NELL1: variants seen among roughly 807,000 people sequenced by gnomAD.
NELL1 encodes protein kinase C-binding protein NELL1.
NELL1 carries 76 observed loss-of-function variants against 107.4 expected under a neutral mutation model. The ratio of observed to expected loss-of-function variants is 0.71; its 90% confidence interval spans 0.59 to 0.86. NELL1 has a LOEUF of 0.86. NELL1 is among the 40% of genes least tolerant of loss of function. NELL1 has a pLI of 0.00. For synonymous variants in NELL1, 353 were observed against 341.2 expected, an observed-to-expected ratio of 1.03 and a Z score of -0.38; for missense variants, 1,024 against 1,005.5, an observed-to-expected ratio of 1.02 and a Z score of -0.25.
At chr11:21,025,433 T>C (rs528136146) in intron 12 of NELL1, among the ~76,000 whole-genome samples, 2 of 151,852 alleles carry the variant, frequency 1.3e-5, no homozygotes, top group East Asian at 1.9e-4. Context: ...AATCTCATTC[T>C]AGAGCCCATT....
At position 20,705,668 on chromosome 11, in the gene NELL1, A is replaced by G. The variant is rs1382800073; in HGVS notation, c.184+27608A>G. On this transcript the variant is annotated intron_variant, in intron 2 of 19. Coordinates refer to ENST00000357134, the MANE Select transcript of NELL1 (RefSeq NM_006157.5). ...ACAAAAGCCAAAATTGACAAATGGG[A>G]TCTAATTAAACTAAAGAGCTTCTGC... Among the ~76,000 whole-genome samples, 3 of 143,806 alleles carry G rather than the reference A, an allele frequency of 2.1e-5. 1 individual carries two copies. The highest frequency in any genetic ancestry group is 5.3e-5 in the African/African-American group (2 of 37,818). The allele number at this position is 143,806 out of a possible 152,430, so 94.3% of individuals were successfully genotyped here. A position where few individuals can be genotyped will look rare whatever the true frequency, so the allele number is the denominator to read the frequency against.
At chr11:21,240,774 G>T (rs7117671) in intron 14 of NELL1, among the ~76,000 whole-genome samples, 3 of 137,382 alleles carry the variant, frequency 2.2e-5, no homozygotes, top group East Asian at 2.3e-4. Context: ...AGTGGGGGGG[G>T]GGAGGGGGGA....
intron 5 of NELL1, among the ~76,000 whole-genome samples, chr11:20,887,490 T>C (rs954524095): frequency 6.6e-6 from 1 of 152,200 alleles, no homozygotes; most frequent in African/African-American, 2.4e-5. Context: ...CAGTTAGAGC[T>C]TTAAATTTCA....
At chr11:21,182,440 G>GAAAAAA (rs201319322) in intron 13 of NELL1, among the ~76,000 whole-genome samples, 1 of 111,720 alleles carries the variant, frequency 9.0e-6, no homozygotes, top group Non-Finnish European at 1.9e-5. Flanking sequence ...GTCTCAAAAA[G>GAAAAAA]AAAAAAAAAA....
intron 19 of NELL1, 39 bp from the exon 20 acceptor site, chr11:21,574,933 A>ATGTC (rs1272415472): frequency 6.3e-7 from 1 of 1,581,312 alleles, no homozygotes; most frequent in East Asian, 2.3e-5. Context: ...TTTATATTCC[A>ATGTC]TGTCTCAACT....
At chr11:21,295,920 C>T (rs1565153778) in intron 14 of NELL1, among the ~76,000 whole-genome samples, 1 of 152,012 alleles carries the variant, frequency 6.6e-6, no homozygotes. Context: ...TTTGCAAATA[C>T]TTAAAAACCA....
intron 12 of NELL1, among the ~76,000 whole-genome samples, chr11:20,974,034 G>C (rs577085018): frequency 3.7e-4 from 57 of 152,286 alleles, no homozygotes; most frequent in African/African-American, 1.4e-3. Context: ...ACTTGTTTAG[G>C]CTCGGGAGGA....
At chr11:20,745,051 C>T (rs1271588575) in intron 2 of NELL1, among the ~76,000 whole-genome samples, 1 of 152,176 alleles carries the variant, frequency 6.6e-6, no homozygotes, top group African/African-American at 2.4e-5. Flanking sequence ...TCTTTTCCAT[C>T]ACCCTTTTTT....
intron 12 of NELL1, among the ~76,000 whole-genome samples, chr11:21,105,060 T>A (rs1368719089): frequency 6.6e-6 from 1 of 152,078 alleles, no homozygotes; most frequent in African/African-American, 2.4e-5. Context: ...ACATATGAAT[T>A]TGGGGGGGAC....
intron 12 of NELL1, among the ~76,000 whole-genome samples, chr11:21,002,018 C>A (rs1852233081): frequency 6.6e-6 from 1 of 152,188 alleles, no homozygotes; most frequent in Non-Finnish European, 1.5e-5. Context: ...GTTGAAGAAC[C>A]TCAGCTCTGA....
chr11:21,447,409 A>G (rs1331088384), intron 15 of NELL1, among the ~76,000 whole-genome samples: 1 of 152,164 alleles, frequency 6.6e-6, no homozygotes, highest in Admixed American at 6.5e-5. Flanking sequence ...ATGTCTCAGA[A>G]TCTCACTCAA....
intron 12 of NELL1, among the ~76,000 whole-genome samples, chr11:20,962,690 C>T (rs7109655): frequency 0.01 from 1,534 of 152,312 alleles, 21 homozygotes; most frequent in African/African-American, 0.035. Flanking sequence ...TTTTATAATG[C>T]TGAGTGGATT....
At position 20,919,346 on chromosome 11, in the gene NELL1, A is replaced by G. The variant is rs1850328146; in HGVS notation, c.759+12A>G. 7.4e-6 allele frequency: 11 copies of G among 1,492,060 alleles called. No homozygotes were observed. Among genetic ancestry groups the G allele is most frequent in the Non-Finnish European group, 1.0e-5 (11 of 1,075,084 alleles). 92.4% of individuals were successfully genotyped at this position (1,492,060 alleles called of 1,614,324 possible). A position where few individuals can be genotyped will look rare whatever the true frequency, so the allele number is the denominator to read the frequency against. ...AGATGACTGCAAAAGTAGGTATCTAAATTTCATTTGTGATGTTTCATTTCT... is the reference window on the plus strand; with the variant it reads ...AGATGACTGCAAAAGTAGGTATCTAGATTTCATTTGTGATGTTTCATTTCT... On this transcript the variant is annotated intron_variant, in intron 7 of 19. Coordinates refer to ENST00000357134, the MANE Select transcript of NELL1 (RefSeq NM_006157.5).
In NELL1 at chr11:20,791,729, GGT is replaced by G. The variant is rs1491105175; in HGVS notation, c.335+7900_335+7901del. Among the ~76,000 whole-genome samples, 125 of 23,116 alleles carry G rather than the reference GGT, an allele frequency of 5.4e-3. 2 individuals are homozygous for G. In the East Asian group the frequency reaches 0.082, roughly 15 times the overall value. 15.2% of individuals were successfully genotyped at this position (23,116 alleles called of 152,430 possible). A position where few individuals can be genotyped will look rare whatever the true frequency, so the allele number is the denominator to read the frequency against. On this transcript the variant is annotated intron_variant, in intron 3 of 19. Transcript: ENST00000357134. ...CACAGGTACTCTTCACCAGTCTGGA[GGT>G]TTTTTTTTTTTTTTTTCTATTTGTA...
At chr11:20,760,620 A>G (rs1185780478) in intron 2 of NELL1, among the ~76,000 whole-genome samples, 1 of 152,174 alleles carries the variant, frequency 6.6e-6, no homozygotes, top group Non-Finnish European at 1.5e-5. Context: ...GGGAATGATT[A>G]ATTAGGGCTT....
chr11:21,245,094 T>A (rs547957181), intron 14 of NELL1, among the ~76,000 whole-genome samples: 1 of 152,276 alleles, frequency 6.6e-6, no homozygotes, highest in Admixed American at 6.5e-5. Context: ...GAATTAGCAC[T>A]TCTTAGTGGG....
At chr11:20,806,035 C>G (rs936163292) in intron 3 of NELL1, among the ~76,000 whole-genome samples, 32 of 151,576 alleles carry the variant, frequency 2.1e-4, no homozygotes, top group African/African-American at 6.3e-4. Context: ...GACCACAATT[C>G]CAATATTATA....
chr11:20,784,962 A>G (rs1156905290), intron 3 of NELL1, among the ~76,000 whole-genome samples: 1 of 152,246 alleles, frequency 6.6e-6, no homozygotes, highest in Non-Finnish European at 1.5e-5. Context: ...TCAAAATTAC[A>G]TAAATGTGTT....
intron 2 of NELL1, among the ~76,000 whole-genome samples, chr11:20,757,420 G>A (rs1293257301): frequency 6.6e-6 from 1 of 152,118 alleles, no homozygotes; most frequent in African/African-American, 2.4e-5. Flanking sequence ...GTGAGACTCA[G>A]CTGCTTACAG....
Sources: allele counts gnomAD v4.1 joint callset (sites outside exome capture counted in the v4.1 genomes callset), GRCh38; gene constraint gnomAD v4.1.1; transcripts MANE v1.5; gene names NCBI Gene and HGNC (gene_info 2026-07-23, HGNC 2026-07-21).